OTUD7A: variants seen among roughly 807,000 people sequenced by gnomAD.
OTUD7A encodes the protein OTU deubiquitinase 7A, also known as OTU domain-containing protein 7A.
Under a neutral mutation model 65.7 loss-of-function variants are expected in OTUD7A, and 12 were observed. The observed-to-expected ratio is 0.18, with a 90% confidence interval of 0.12 to 0.30. The LOEUF (loss-of-function observed/expected upper bound fraction) is 0.30, where lower values mean the gene tolerates loss of function less well. Among genes scored for constraint, OTUD7A ranks in the 10% least tolerant of loss-of-function variants. The probability of loss-of-function intolerance (pLI) is 1.00; values close to 1 mark genes in which losing one functional copy is unlikely to be tolerated. For missense variants in OTUD7A, 1,148 were observed against 1,304.8 expected, an observed-to-expected ratio of 0.88 and a Z score of 1.85; for synonymous variants, 641 against 586.3, an observed-to-expected ratio of 1.09 and a Z score of -1.35.
intron 1 of OTUD7A, among the ~76,000 whole-genome samples, chr15:31,833,839 T>C (rs1362709069): frequency 1.3e-5 from 2 of 152,218 alleles, no homozygotes; most frequent in South Asian, 4.1e-4. Context: ...AATCTGAGAA[T>C]CCATCATAAA....
intron 10 of OTUD7A, among the ~76,000 whole-genome samples, chr15:31,495,092 C>A (rs1165889753): frequency 6.6e-6 from 1 of 152,108 alleles, no homozygotes; most frequent in African/African-American, 2.4e-5. Flanking sequence ...CAGGAGGGGA[C>A]AGGCAGGGCT....
rs539485259 is a variant in OTUD7A, at chr15:31,569,941, T to C, written c.331+77A>G. 2.7e-5 allele frequency: 41 copies of C among 1,526,340 alleles called. No individual in the cohort carries two copies. In the African/African-American group the frequency reaches 3.4e-4, roughly 13 times the overall value. The allele number at this position is 1,526,340 out of a possible 1,614,324, so 94.5% of individuals were successfully genotyped here. Reference sequence around the variant, plus strand: ...GGGAGGTGATGACCCCACCATTCTTTGTACCACGCAACCCGCCTGCAAGCT... The same window carrying C: ...GGGAGGTGATGACCCCACCATTCTTCGTACCACGCAACCCGCCTGCAAGCT... On this transcript the variant is annotated intron_variant, in intron 4 of 12. Transcript: ENST00000307050.
rs761134451 is a variant in OTUD7A, at chr15:31,559,144, G to A, written c.375C>T (p.Ile125=). 32 of 1,614,014 alleles carry A rather than the reference G, an allele frequency of 2.0e-5. No individual in the cohort carries two copies. In the East Asian group the frequency reaches 3.3e-4, roughly 17 times the overall value. The change falls in exon 5 of 13, where the codon ATC becomes ATT. Residue 125 remains isoleucine (I), a synonymous_variant. Coordinates refer to ENST00000307050, the MANE Select transcript of OTUD7A (RefSeq NM_001382637.1). ...SRGISHASSA[I]VSLARSHVAS... ...CCACGTGGGACCGGGCCAGGGAGAC[G>A]ATGGCTGAGCTGGCGTGGGAAATCC...
chr15:31,660,187 G>A (rs988560071), intron 1 of OTUD7A, among the ~76,000 whole-genome samples: 7 of 152,248 alleles, frequency 4.6e-5, no homozygotes, highest in Admixed American at 6.5e-5. Context: ...AAAAAGGTCA[G>A]GCATGCGTTC....
At chr15:31,773,876 A>G (rs986655219) in intron 1 of OTUD7A, among the ~76,000 whole-genome samples, 3 of 152,240 alleles carry the variant, frequency 2.0e-5, no homozygotes, top group African/African-American at 7.2e-5. Flanking sequence ...GGAGGCTGGG[A>G]GAGGCAATTT....
At chr15:31,800,704 CAGA>C (rs1186234194) in intron 1 of OTUD7A, among the ~76,000 whole-genome samples, 1 of 152,154 alleles carries the variant, frequency 6.6e-6, no homozygotes, top group Non-Finnish European at 1.5e-5. Flanking sequence ...CCAGAATGAG[CAGA>C]AGGAGACGCA....
chr15:31,525,141 G>A (rs775426473), intron 8 of OTUD7A, among the ~76,000 whole-genome samples: 12 of 152,294 alleles, frequency 7.9e-5, no homozygotes, highest in Middle Eastern at 3.4e-3. Flanking sequence ...CCTATCAGGC[G>A]TCCTCCCTGT....
intron 3 of OTUD7A, among the ~76,000 whole-genome samples, chr15:31,584,013 G>T (rs72726942): frequency 0.033 from 5,022 of 152,270 alleles, 147 homozygotes; most frequent in East Asian, 0.12. Flanking sequence ...ATGAGATGAG[G>T]TCTCTGTCAG....
At chr15:31,583,609 T>C (rs1889439877) in intron 3 of OTUD7A, among the ~76,000 whole-genome samples, 1 of 151,942 alleles carries the variant, frequency 6.6e-6, no homozygotes, top group South Asian at 2.1e-4. Flanking sequence ...TTCTGCTTGG[T>C]TCTCATTCTC....
Position 31,817,932 on chromosome 15 carries a change from T to C in OTUD7A, c.-100+52575A>G, listed in dbSNP as rs372231521. On this transcript the variant is annotated intron_variant, in intron 1 of 12. Coordinates refer to ENST00000307050, the MANE Select transcript of OTUD7A (RefSeq NM_001382637.1). ...GAGGCCTCTGTGGGTGATTAAGTCA[T>C]GAGGGCCTCCCACTCCTGAGTGGGA... is the stretch of plus-strand genomic sequence containing the variant. 2.8e-4 allele frequency among the ~76,000 whole-genome samples: 42 copies of C among 152,336 alleles called. No homozygotes were observed. The South Asian group carries it at 7.5e-3, about 27-fold the overall frequency.
chr15:31,694,497 T>C lies in OTUD7A; in HGVS notation c.-99-37420A>G, dbSNP rs374401821. 9.2e-3 allele frequency among the ~76,000 whole-genome samples: 1,393 copies of C among 151,728 alleles called. 12 individuals are homozygous for C. The highest frequency in any genetic ancestry group is 0.02 in the Middle Eastern group (6 of 294). ...TTATTATTATCTACTCTCAGCAAGTTTCAAGAATTTTTAAGGATACATCGT... is the reference window on the plus strand; with the variant it reads ...TTATTATTATCTACTCTCAGCAAGTCTCAAGAATTTTTAAGGATACATCGT... On this transcript the variant is annotated intron_variant, in intron 1 of 12. Coordinates refer to ENST00000307050, the MANE Select transcript of OTUD7A (RefSeq NM_001382637.1).
chr15:31,766,685 C>T lies in OTUD7A; in HGVS notation c.-100+103822G>A. The T allele has an allele frequency of 8.7e-6, 14 of 1,605,374 alleles. No individual in the cohort carries two copies. In the South Asian group the frequency reaches 1.5e-4, roughly 18 times the overall value. On this transcript the variant is annotated intron_variant, in intron 1 of 12. Coordinates refer to ENST00000307050, the MANE Select transcript of OTUD7A (RefSeq NM_001382637.1). ...CAAAGCTGTTCTGACTTGCATTTCC[C>T]ATTACACAACTCCTCTTGGTCTTGA...
At chr15:31,693,170 T>C (rs1160370722) in intron 1 of OTUD7A, among the ~76,000 whole-genome samples, 2 of 152,368 alleles carry the variant, frequency 1.3e-5, no homozygotes, top group South Asian at 2.1e-4. Flanking sequence ...ACTTACAGCA[T>C]GTCCAGGAAA....
chr15:31,548,068 C>A (rs200623058), intron 5 of OTUD7A, among the ~76,000 whole-genome samples: 1 of 74,566 alleles, frequency 1.3e-5, no homozygotes, highest in African/African-American at 3.0e-5. Flanking sequence ...CTGTACGTAC[C>A]ATATACTCCT....
At chr15:31,532,584 G>A (rs1289770038) in intron 5 of OTUD7A, among the ~76,000 whole-genome samples, 10 of 151,630 alleles carry the variant, frequency 6.6e-5, no homozygotes, top group South Asian at 2.1e-4. Context: ...GTGGGACTGC[G>A]ACAAAAGTCT....
At chr15:31,561,784 T>TCTCACACACA (rs1555396642) in intron 4 of OTUD7A, among the ~76,000 whole-genome samples, 1 of 150,424 alleles carries the variant, frequency 6.6e-6, no homozygotes, top group African/African-American at 2.4e-5. Flanking sequence ...ACACACAGAG[T>TCTCACACACA]CACACACACA....
At position 31,483,302 on chromosome 15, in the gene OTUD7A, G is replaced by C. The variant is rs2141058489; in HGVS notation, c.2794C>G (p.Arg932Gly). ...LRRRREARGA[R>G]P ...GCGCCGCGCCGCGCCGCTCAGGGCC[G>C]GGCCCCGCGCGCCTCGCGCCGCCGC... Residue 932 changes from arginine to glycine, a missense_variant, in exon 13 of 13, where the codon CGG becomes GGG. By Grantham distance (125) the Arg-to-Gly change is moderately radical (BLOSUM62 -2). Transcript: ENST00000307050. 5.1e-6 allele frequency: 6 copies of C among 1,175,744 alleles called. No homozygotes were observed. Among genetic ancestry groups the C allele is most frequent in the South Asian group, 5.8e-5 (2 of 34,192 alleles). 72.8% of individuals were successfully genotyped at this position (1,175,744 alleles called of 1,614,324 possible).
At chr15:31,555,365 A>G (rs1888456172) in intron 5 of OTUD7A, among the ~76,000 whole-genome samples, 1 of 152,214 alleles carries the variant, frequency 6.6e-6, no homozygotes, top group South Asian at 2.1e-4. Context: ...CTGTATTTCA[A>G]TCTCTCATGT....
intron 8 of OTUD7A, among the ~76,000 whole-genome samples, chr15:31,520,704 C>G (rs2041925411): frequency 6.6e-6 from 1 of 152,144 alleles, no homozygotes; most frequent in Admixed American, 6.5e-5. Flanking sequence ...TAAATTCATA[C>G]AACCTTTATG....
Sources: gnomAD v4.1 joint callset for allele counts (sites outside exome capture counted in the v4.1 genomes callset) on GRCh38, gnomAD v4.1.1 for gene constraint, MANE v1.5 for transcripts, NCBI Gene and HGNC (gene_info 2026-07-23, HGNC 2026-07-21) for gene names.